Variants in OXR1 observed in about 807,000 individuals in gnomAD.
The protein encoded by OXR1 is oxidation resistance protein 1.
OXR1 carries 41 observed loss-of-function variants against 104.6 expected under a neutral mutation model. The ratio of observed to expected loss-of-function variants is 0.39; its 90% CI spans 0.31 to 0.51. The LOEUF is 0.51. Ranked by LOEUF, OXR1 falls within the 20% of genes least tolerant of loss-of-function variation. The pLI, the probability that OXR1 is intolerant of heterozygous loss-of-function variation, is 0.77. For synonymous variants in OXR1, 348 were observed against 348.4 expected (o/e 1.00, Z 0.01); for missense variants, 955 against 1,031.9 (o/e 0.93, Z 1.02).
At chr8:106,472,200 G>T (rs1411873221) in intron 2 of OXR1, among the ~76,000 whole-genome samples, 1 of 151,754 alleles carries the variant, frequency 6.6e-6, no homozygotes, top group East Asian at 1.9e-4. Context: ...AGGATATGTA[G>T]GAGAATACTC....
intron 16 of OXR1, among the ~76,000 whole-genome samples, chr8:106,749,994 G>T (rs1269026389): frequency 1.3e-5 from 2 of 151,766 alleles, no homozygotes; most frequent in East Asian, 3.9e-4. Flanking sequence ...TTCAAACTGA[G>T]CTCTTTTGCA....
At chr8:106,353,245 G>A (rs1468076685) in intron 1 of OXR1, among the ~76,000 whole-genome samples, 1 of 152,136 alleles carries the variant, frequency 6.6e-6, no homozygotes, top group East Asian at 1.9e-4. Flanking sequence ...AGCTACTGGG[G>A]AGGTGAGGCA....
At chr8:106,396,098 C>A (rs35628924) in intron 2 of OXR1, among the ~76,000 whole-genome samples, 96,335 of 151,620 alleles carry the variant, frequency 0.64, 30,794 homozygotes, top group Middle Eastern at 0.67. Flanking sequence ...TACATACATA[C>A]ATACATAAAT....
rs575830377 is a variant in OXR1, at chr8:106,365,178, T to G, written c.23+5542T>G. Among the ~76,000 whole-genome samples, 85 of 152,276 alleles carry G rather than the reference T, an allele frequency of 5.6e-4. 1 individual carries two copies. In the South Asian group the frequency reaches 0.017, roughly 30 times the overall value. On this transcript the variant is annotated intron_variant, in intron 2 of 16. Coordinates refer to ENST00000517566, the MANE Select transcript of OXR1 (RefSeq NM_001198533.2). ...GAATATAAGGCTGATATTTCTAATT[T>G]TTTTTTAAAAGGAGACCTCTGTGTG...
At chr8:106,702,175 G>T (rs1457406578) in intron 7 of OXR1, among the ~76,000 whole-genome samples, 2 of 152,116 alleles carry the variant, frequency 1.3e-5, no homozygotes, top group African/African-American at 2.4e-5. Flanking sequence ...CACCATGTTG[G>T]CCAGGAACTC....
intron 2 of OXR1, among the ~76,000 whole-genome samples, chr8:106,460,015 A>G (rs1586668722): frequency 1.3e-5 from 2 of 152,236 alleles, no homozygotes; most frequent in South Asian, 2.1e-4. Flanking sequence ...TAATTCATTT[A>G]CTTGTTTTAA....
At chr8:106,438,066 T>C (rs1396789976) in intron 2 of OXR1, among the ~76,000 whole-genome samples, 1 of 152,144 alleles carries the variant, frequency 6.6e-6, no homozygotes, top group South Asian at 2.1e-4. Context: ...ACACCCACTT[T>C]AGAAATTCAG....
chr8:106,564,183 T>C (rs1455694519), intron 3 of OXR1, among the ~76,000 whole-genome samples: 2 of 152,050 alleles, frequency 1.3e-5, no homozygotes, highest in African/African-American at 4.8e-5. Context: ...AAAAAATCAA[T>C]GAATCCAGGA....
At chr8:106,593,401 T>C (rs942097745) in intron 3 of OXR1, among the ~76,000 whole-genome samples, 1 of 152,246 alleles carries the variant, frequency 6.6e-6, no homozygotes, top group African/African-American at 2.4e-5. Flanking sequence ...ATTTCTTTCA[T>C]CTTTGCATCC....
At chr8:106,656,111 C>T (rs941913306) in intron 3 of OXR1, 1 of 152,004 alleles carries the variant, frequency 6.6e-6, no homozygotes, top group Non-Finnish European at 1.5e-5. Context: ...TAAAACTTAC[C>T]GAGCCTCTCT....
At chr8:106,498,517 C>CT (rs1183463587) in intron 2 of OXR1, among the ~76,000 whole-genome samples, 2 of 152,170 alleles carry the variant, frequency 1.3e-5, no homozygotes. Flanking sequence ...ATCCAGAATC[C>CT]TTTAAATCAC....
At chr8:106,721,881 T>A (rs1832853507) in intron 11 of OXR1, among the ~76,000 whole-genome samples, 1 of 152,206 alleles carries the variant, frequency 6.6e-6, no homozygotes, top group South Asian at 2.1e-4. Context: ...ATGTCATTGT[T>A]GGATTTGGTT....
intron 3 of OXR1, among the ~76,000 whole-genome samples, chr8:106,525,020 T>G (rs1190333191): frequency 2.6e-5 from 4 of 152,218 alleles, no homozygotes; most frequent in Non-Finnish European, 5.9e-5. Context: ...TTCTCAGTTC[T>G]TAGGAGGAGG....
intron 14 of OXR1, among the ~76,000 whole-genome samples, chr8:106,741,814 C>A (rs1308909598): frequency 6.6e-6 from 1 of 152,018 alleles, no homozygotes; most frequent in African/African-American, 2.4e-5. Context: ...GAAAAAATAT[C>A]ATATTTTAAA....
At chr8:106,532,557 A>G (rs1408487974) in intron 3 of OXR1, among the ~76,000 whole-genome samples, 2 of 152,238 alleles carry the variant, frequency 1.3e-5, no homozygotes, top group African/African-American at 4.8e-5. Context: ...ATTAAAAAGC[A>G]AATTATCAGA....
At chr8:106,458,569 A>T (rs1820735222) in intron 2 of OXR1, among the ~76,000 whole-genome samples, 1 of 152,062 alleles carries the variant, frequency 6.6e-6, no homozygotes, top group African/African-American at 2.4e-5. Context: ...GAGCCATGAG[A>T]GTGGGGCCAC....
At chr8:106,488,291 T>C (rs996897293) in intron 2 of OXR1, among the ~76,000 whole-genome samples, 3 of 134,656 alleles carry the variant, frequency 2.2e-5, no homozygotes, top group Non-Finnish European at 4.7e-5. Context: ...TCTTGTAAAT[T>C]TGTTTGAGTT....
intron 3 of OXR1, among the ~76,000 whole-genome samples, chr8:106,553,371 T>C (rs1022389903): frequency 1.3e-5 from 2 of 151,254 alleles, no homozygotes; most frequent in African/African-American, 4.9e-5. Flanking sequence ...CAGGCTGGAA[T>C]GCAGTGGTGC....
Position 106,359,647 on chromosome 8 carries a change from G to C in OXR1, c.23+11G>C. On this transcript the variant is annotated intron_variant, in intron 2 of 16. Transcript: ENST00000517566. ...GTCTAATCTATCATGGTGAGTGAAT[G>C]GTTTTCTTGCCTTAAATGTAAATGA... 6.5e-7 allele frequency: 1 copy of C among 1,537,902 alleles called. No homozygotes were observed.
Sources: gnomAD v4.1 joint callset for allele counts (sites outside exome capture counted in the v4.1 genomes callset) on GRCh38, gnomAD v4.1.1 for gene constraint, MANE v1.5 for transcripts, NCBI Gene and HGNC (gene_info 2026-07-23, HGNC 2026-07-21) for gene names.